Variants in SLCO3A1 observed in about 807,000 individuals in gnomAD.
SLCO3A1 encodes solute carrier organic anion transporter family member 3A1.
In SLCO3A1, 27 loss-of-function variants were observed where a neutral mutation model predicts 63.1. That is an observed-to-expected ratio of 0.43 (90% CI 0.32 to 0.59). The LOEUF is 0.59. Ranked by LOEUF, SLCO3A1 falls within the 20% of genes least tolerant of loss-of-function variation. The pLI is 0.09. For missense variants in SLCO3A1, 773 were observed against 945.8 expected (o/e 0.82, Z 2.40); for synonymous variants, 473 against 409.9 (o/e 1.15, Z -1.86).
intron 2 of SLCO3A1, among the ~76,000 whole-genome samples, chr15:92,079,053 A>G (rs1044706260): frequency 6.6e-6 from 1 of 152,258 alleles, no homozygotes; most frequent in Non-Finnish European, 1.5e-5. Flanking sequence ...GAGGGGGTCC[A>G]GCGATAATGA....
At chr15:92,095,095 T>TGGAG in intron 3 of SLCO3A1, 116 bp downstream of exon 3, 1 of 520,740 alleles carries the variant, frequency 1.9e-6, no homozygotes, top group Non-Finnish European at 3.5e-6. Flanking sequence ...TTGATGCCCC[T>TGGAG]GCCTCTGTAG....
chr15:92,120,847 G>A lies in SLCO3A1; in HGVS notation c.1174+218G>A, dbSNP rs189734932. Among the ~76,000 whole-genome samples, 173 of 152,288 alleles carry A rather than the reference G, an allele frequency of 1.1e-3. 1 individual carries two copies. Among genetic ancestry groups the A allele is most frequent in the African/African-American group, 3.9e-3 (160 of 41,554 alleles). ...CTAAAAGCACATGATAATAAAGAGT[G>A]AAAATATAAAATGTACATTTGAGAG... On this transcript the variant is annotated intron_variant, in intron 5 of 9. Transcript: ENST00000318445.
At chr15:91,896,994 G>A (rs922336177) in intron 1 of SLCO3A1, among the ~76,000 whole-genome samples, 29 of 152,136 alleles carry the variant, frequency 1.9e-4, no homozygotes, top group Admixed American at 1.6e-3. Flanking sequence ...GCCCCTTGTA[G>A]CTCTGTGATT....
chr15:91,921,509 ATTT>A, intron 2 of SLCO3A1, among the ~76,000 whole-genome samples: 1 of 152,072 alleles, frequency 6.6e-6, no homozygotes, highest in Non-Finnish European at 1.5e-5. Flanking sequence ...CTGTATTGTA[ATTT>A]TTCTCTCTAA....
Position 92,104,363 on chromosome 15 carries a change from TCTC to T in SLCO3A1, c.831_833del (p.Ser279del). The T allele has an allele frequency of 6.2e-7, 1 of 1,614,108 alleles. No homozygotes were observed. The highest frequency in any genetic ancestry group is 8.5e-7 in the Non-Finnish European group (1 of 1,180,004). On this transcript the variant is annotated inframe_deletion, in exon 4 of 10. Transcript: ENST00000318445. ...CTGCTCTGCGGTGCCTTACTCTTCTTCTCTTCCCTCTTGATGTTTGGGTTTCCA... is the reference window on the plus strand; with the variant it reads ...CTGCTCTGCGGTGCCTTACTCTTCTTTTCCCTCTTGATGTTTGGGTTTCCA...
chr15:92,060,297 T>A (rs1453314231), intron 2 of SLCO3A1, among the ~76,000 whole-genome samples: 5 of 152,092 alleles, frequency 3.3e-5, no homozygotes, highest in Non-Finnish European at 7.4e-5. Context: ...CGGTGGTTCA[T>A]GCCTGTAATC....
At chr15:92,139,128 T>G (rs1952581346) in intron 7 of SLCO3A1, among the ~76,000 whole-genome samples, 1 of 151,160 alleles carries the variant, frequency 6.6e-6, no homozygotes, top group Admixed American at 6.6e-5. Flanking sequence ...TAGATAGCTC[T>G]TATTATTTTG....
chr15:91,934,239 T>C (rs1334383363), intron 2 of SLCO3A1, among the ~76,000 whole-genome samples: 1 of 152,072 alleles, frequency 6.6e-6, no homozygotes, highest in Non-Finnish European at 1.5e-5. Context: ...AATACTGAAT[T>C]GGGGAAGTAC....
chr15:92,067,170 C>G (rs1366617234), intron 2 of SLCO3A1, among the ~76,000 whole-genome samples: 1 of 150,788 alleles, frequency 6.6e-6, no homozygotes, highest in African/African-American at 2.4e-5. Flanking sequence ...ACAAACACCC[C>G]CTGCTCCCTC....
chr15:91,887,719 G>T (rs971898401), intron 1 of SLCO3A1, among the ~76,000 whole-genome samples: 3 of 152,150 alleles, frequency 2.0e-5, no homozygotes, highest in Non-Finnish European at 1.5e-5. Context: ...GATATTCGAG[G>T]TAGCCACATG....
At chr15:92,094,017 ATT>A (rs992580277) in intron 2 of SLCO3A1, among the ~76,000 whole-genome samples, 1 of 152,124 alleles carries the variant, frequency 6.6e-6, no homozygotes, top group Non-Finnish European at 1.5e-5. Flanking sequence ...CTGGACTCTT[ATT>A]TTTGCCTCCA....
intron 7 of SLCO3A1, among the ~76,000 whole-genome samples, chr15:92,143,399 A>AT (rs1491122786): frequency 0.022 from 51 of 2,350 alleles, 12 homozygotes; most frequent in African/African-American, 0.2. Context: ...TATATTATAT[A>AT]ATATATATAA....
chr15:92,080,938 CTGTGTGTGTG>C lies in SLCO3A1; in HGVS notation c.647-13905_647-13896del, dbSNP rs542459686. 5.1e-3 allele frequency among the ~76,000 whole-genome samples: 656 copies of C among 128,980 alleles called. 9 individuals are homozygous for C. Among genetic ancestry groups the C allele is most frequent in the African/African-American group, 0.016 (533 of 32,304 alleles). 84.6% of individuals were successfully genotyped at this position (128,980 alleles called of 152,430 possible). A position where few individuals can be genotyped will look rare whatever the true frequency, so the allele number is the denominator to read the frequency against. Reference sequence around the variant, plus strand: ...TTTCATTTTTATGGATACATAGTAGCTGTGTGTGTGTGTGTGTGTGTGTGTGTGTGTGTGT... The same window carrying C: ...TTTCATTTTTATGGATACATAGTAGCTGTGTGTGTGTGTGTGTGTGTGTGT... On this transcript the variant is annotated intron_variant, in intron 2 of 9. Transcript: ENST00000318445.
At chr15:92,089,606 G>C (rs1043858155) in intron 2 of SLCO3A1, among the ~76,000 whole-genome samples, 2 of 152,198 alleles carry the variant, frequency 1.3e-5, no homozygotes, top group African/African-American at 4.8e-5. Context: ...ACCGAGAGTG[G>C]TGGAAAGTCT....
At chr15:92,122,537 C>G (rs1041977074) in intron 5 of SLCO3A1, among the ~76,000 whole-genome samples, 17 of 152,238 alleles carry the variant, frequency 1.1e-4, no homozygotes, top group Non-Finnish European at 1.9e-4. Context: ...CTGGAACTCG[C>G]ATACTTGGCC....
intron 7 of SLCO3A1, among the ~76,000 whole-genome samples, chr15:92,134,150 G>A (rs922987391): frequency 3.3e-5 from 5 of 152,176 alleles, no homozygotes; most frequent in African/African-American, 1.2e-4. Flanking sequence ...CCCCACCACT[G>A]GCCATCCCTT....
rs147082536 is a variant in SLCO3A1 at position 91,912,541 on chromosome 15, A to G, written c.181-3452A>G. The stretch of plus-strand genomic sequence containing the variant: ...TTTGCCCACAGCTGTCTCTGTCCCA[A>G]TCACCCTTATCTGTCATCAATGTGC... On this transcript the variant is annotated intron_variant, in intron 1 of 9. Transcript: ENST00000318445. The surrounding 1 kb of genome is among the most constrained non-coding windows in gnomAD (Gnocchi z 5.0). Among the ~76,000 whole-genome samples, 18 of 152,312 alleles carry G rather than the reference A, an allele frequency of 1.2e-4. No individual in the cohort carries two copies. Among genetic ancestry groups the G allele is most frequent in the East Asian group, 9.6e-4 (5 of 5,184 alleles).
chr15:91,981,994 T>G (rs2045993781), intron 2 of SLCO3A1, among the ~76,000 whole-genome samples: 1 of 152,242 alleles, frequency 6.6e-6, no homozygotes, highest in Non-Finnish European at 1.5e-5. Context: ...CAGCACCACT[T>G]GTTGAAGTTA....
intron 2 of SLCO3A1, among the ~76,000 whole-genome samples, chr15:92,000,875 C>T (rs1311393881): frequency 6.6e-6 from 1 of 152,178 alleles, no homozygotes; most frequent in Non-Finnish European, 1.5e-5. Context: ...CTGCTGTTGC[C>T]TTGGCAACTT....
Sources: allele counts gnomAD v4.1 joint callset (sites outside exome capture counted in the v4.1 genomes callset), GRCh38; gene constraint gnomAD v4.1.1; non-coding constraint Gnocchi (gnomAD v3.1); transcripts MANE v1.5; gene names NCBI Gene and HGNC (gene_info 2026-07-23, HGNC 2026-07-21).